PRKCA: variants seen among roughly 807,000 people sequenced by gnomAD.
The protein encoded by PRKCA is protein kinase C alpha type.
A neutral mutation model predicts 87.0 loss-of-function variants in PRKCA; 27 were observed. The ratio of observed to expected loss-of-function variants is 0.31; its 90% confidence interval spans 0.23 to 0.43. The LOEUF (loss-of-function observed/expected upper bound fraction) is 0.43. Among genes scored for constraint, PRKCA ranks in the 20% least tolerant of loss-of-function variants. The pLI is 1.00. For missense variants in PRKCA, 518 were observed against 852.3 expected (o/e 0.61, Z 4.88); for synonymous variants, 329 against 311.1 (o/e 1.06, Z -0.61).
In PRKCA at chr17:66,689,892, C is replaced by T. The variant is rs1972733207; in HGVS notation, c.918+845C>T. Among the ~76,000 whole-genome samples, 1 of 152,200 alleles carries T rather than the reference C, an allele frequency of 6.6e-6. No individual in the cohort carries two copies. Among genetic ancestry groups the T allele is most frequent in the African/African-American group, 2.4e-5 (1 of 41,450 alleles). ...TTCGTGAATCTTTCTCTTCTTCAGA[C>T]TTGTTAGAATTCCCTGGAATTTCCC... is the stretch of plus-strand genomic sequence containing the variant. On this transcript the variant is annotated intron_variant, in intron 8 of 16. Transcript: ENST00000413366. This position sits in a 1 kb window ranked among gnomAD's most constrained non-coding sequence, Gnocchi z 4.1.
At chr17:66,552,851 A>G (rs1385481951) in intron 3 of PRKCA, among the ~76,000 whole-genome samples, 1 of 152,212 alleles carries the variant, frequency 6.6e-6, no homozygotes, top group Non-Finnish European at 1.5e-5. Flanking sequence ...GCCTCCCGCC[A>G]TGTATGATGA....
intron 3 of PRKCA, among the ~76,000 whole-genome samples, chr17:66,607,208 A>C (rs1003383967): frequency 4.6e-5 from 7 of 152,240 alleles, no homozygotes; most frequent in Non-Finnish European, 1.0e-4. Context: ...TGAAGCATTT[A>C]TTACCATAAG....
chr17:66,744,912 C>G (rs1261337454), intron 13 of PRKCA, among the ~76,000 whole-genome samples: 1 of 152,164 alleles, frequency 6.6e-6, no homozygotes, highest in African/African-American at 2.4e-5. Flanking sequence ...TTCTTCCCTC[C>G]CCCATGCAAC....
chr17:66,592,674 G>T (rs1969845239), intron 3 of PRKCA, among the ~76,000 whole-genome samples: 1 of 152,212 alleles, frequency 6.6e-6, no homozygotes, highest in Non-Finnish European at 1.5e-5. Flanking sequence ...GCTAGTCAGT[G>T]AGTTGTTTAA....
At chr17:66,354,171 A>G (rs910971924) in intron 2 of PRKCA, among the ~76,000 whole-genome samples, 1 of 152,132 alleles carries the variant, frequency 6.6e-6, no homozygotes, top group Non-Finnish European at 1.5e-5. Context: ...TCCAGAGTCC[A>G]TTGTTTCTTT....
intron 2 of PRKCA, among the ~76,000 whole-genome samples, chr17:66,382,205 C>G (rs1190863979): frequency 1.3e-5 from 2 of 152,144 alleles, no homozygotes; most frequent in Non-Finnish European, 2.9e-5. Flanking sequence ...GTGGAAGAGA[C>G]AGACCTGCTA....
intron 2 of PRKCA, among the ~76,000 whole-genome samples, chr17:66,357,519 CTG>C (rs1908137386): frequency 6.6e-6 from 1 of 152,116 alleles, no homozygotes; most frequent in South Asian, 2.1e-4. Context: ...ATTTCTAATT[CTG>C]TTAAGGAAGA....
At chr17:66,764,796 T>C (rs1167980627) in intron 13 of PRKCA, among the ~76,000 whole-genome samples, 1 of 152,186 alleles carries the variant, frequency 6.6e-6, no homozygotes, top group East Asian at 1.9e-4. Flanking sequence ...GCCTGGGGCT[T>C]CAGGATATCA....
At chr17:66,490,345 CT>C (rs566074276) in intron 2 of PRKCA, among the ~76,000 whole-genome samples, 325 of 140,206 alleles carry the variant, frequency 2.3e-3, no homozygotes, top group African/African-American at 3.1e-3. Context: ...TTCCAGAACT[CT>C]TTTTTTTTTT....
intron 5 of PRKCA, among the ~76,000 whole-genome samples, chr17:66,681,324 A>AT (rs200079905): frequency 3.3e-5 from 5 of 151,358 alleles, no homozygotes; most frequent in African/African-American, 1.2e-4. Context: ...GCATTGAGTT[A>AT]TTTTTTTTTA....
At chr17:66,679,713 G>A (rs375501204) in intron 5 of PRKCA, among the ~76,000 whole-genome samples, 51 of 152,286 alleles carry the variant, frequency 3.3e-4, no homozygotes, top group Admixed American at 3.0e-3. Context: ...CCTGAGCAAC[G>A]TTTTCCTCCA....
chr17:66,514,969 G>C (rs1048442203), intron 3 of PRKCA, among the ~76,000 whole-genome samples: 8 of 152,018 alleles, frequency 5.3e-5, no homozygotes, highest in African/African-American at 1.9e-4. Context: ...ATAAAGAAGG[G>C]ATGTGGCCGG....
intron 5 of PRKCA, among the ~76,000 whole-genome samples, chr17:66,650,212 C>T (rs1971555689): frequency 6.6e-6 from 1 of 152,218 alleles, no homozygotes; most frequent in African/African-American, 2.4e-5. Context: ...AGCTCTGCTT[C>T]AGGATGGAAA....
chr17:66,781,107 A>T (rs750388713), intron 14 of PRKCA, among the ~76,000 whole-genome samples: 2 of 152,164 alleles, frequency 1.3e-5, no homozygotes, highest in Non-Finnish European at 2.9e-5. Context: ...TCAAAAAAAT[A>T]AAAAATATAA....
chr17:66,573,128 T>C (rs1969127391), intron 3 of PRKCA, among the ~76,000 whole-genome samples: 2 of 152,188 alleles, frequency 1.3e-5, no homozygotes, highest in African/African-American at 4.8e-5. Flanking sequence ...GTTGCGCCCA[T>C]GACATACACT....
intron 13 of PRKCA, among the ~76,000 whole-genome samples, chr17:66,760,126 T>G (rs1303800081): frequency 6.6e-6 from 1 of 152,178 alleles, no homozygotes; most frequent in African/African-American, 2.4e-5. Flanking sequence ...CAAGCTCACA[T>G]AGAACATTCA....
chr17:66,366,262 C>A (rs186378716), intron 2 of PRKCA, among the ~76,000 whole-genome samples: 9 of 152,226 alleles, frequency 5.9e-5, no homozygotes, highest in African/African-American at 2.2e-4. Flanking sequence ...AATCCAGAAG[C>A]CTTACAAGGT....
At chr17:66,431,234 T>G (rs9912570) in intron 2 of PRKCA, among the ~76,000 whole-genome samples, 6,576 of 152,288 alleles carry the variant, frequency 0.043, 323 homozygotes, top group African/African-American at 0.12. Context: ...TTTGATACTT[T>G]TAGATATTTC....
At chr17:66,550,793 C>T (rs1049604545) in intron 3 of PRKCA, among the ~76,000 whole-genome samples, 1 of 152,132 alleles carries the variant, frequency 6.6e-6, no homozygotes, top group Non-Finnish European at 1.5e-5. Flanking sequence ...TGGTGCGATG[C>T]GGGTGGAAAG....
Sources: gnomAD v4.1 joint callset for allele counts (sites outside exome capture counted in the v4.1 genomes callset) on GRCh38, gnomAD v4.1.1 for gene constraint, Gnocchi (gnomAD v3.1) non-coding constraint, MANE v1.5 for transcripts, NCBI Gene and HGNC (gene_info 2026-07-23, HGNC 2026-07-21) for gene names.